Variants in GRAMD1B observed in about 807,000 individuals in gnomAD.
The protein encoded by GRAMD1B is protein Aster-B.
In GRAMD1B, 37 loss-of-function variants were observed where a neutral mutation model predicts 99.7. The ratio of observed to expected loss-of-function variants is 0.37; its 90% CI spans 0.29 to 0.49. The LOEUF is 0.49. Ranked by LOEUF, GRAMD1B falls within the 20% of genes least tolerant of loss-of-function variation. The pLI is 0.98. For synonymous variants in GRAMD1B, 427 were observed against 387.6 expected (o/e 1.10, Z -1.19); for missense variants, 888 against 1,009.2 (o/e 0.88, Z 1.63).
At chr11:123,584,276 A>G (rs1949801907) in intron 3 of GRAMD1B, 36 bp from the exon 4 acceptor site, 2 of 912,840 alleles carry the variant, frequency 2.2e-6, no homozygotes, top group East Asian at 1.4e-4. Flanking sequence ...TTCTTCCCTG[A>G]CTAATTCTAC....
At position 123,407,173 on chromosome 11, in the gene GRAMD1B, A is replaced by G. The variant is rs1307251803; in HGVS notation, c.-176+48374A>G. On this transcript the variant is annotated intron_variant, in intron 1 of 20. Transcript: ENST00000638157. ...AGCAATACAAAATTTGAAGGCTTCTACAGGTCTATAACACTCAGAAAGGTG... is the reference window on the plus strand; with the variant it reads ...AGCAATACAAAATTTGAAGGCTTCTGCAGGTCTATAACACTCAGAAAGGTG... Among the ~76,000 whole-genome samples the G allele has an allele frequency of 2.0e-5, 3 of 152,264 alleles. No homozygotes were observed. The East Asian group carries it at 5.8e-4, about 29-fold the overall frequency.
rs376767708 is a variant in GRAMD1B, at chr11:123,583,876, T to C, written c.664-436T>C. Among the ~76,000 whole-genome samples the C allele has an allele frequency of 2.4e-4, 37 of 152,280 alleles. No homozygotes were observed. In the East Asian group the frequency reaches 4.3e-3, roughly 18 times the overall value. ...AGGGAGTTTTAGGTAGTCCCCTTTC[T>C]ACCTCGAAAGTGTCCCACCCTGCCT... On this transcript the variant is annotated intron_variant, in intron 3 of 19. Transcript: ENST00000635736.
Position 123,430,501 on chromosome 11 carries a change from C to T in GRAMD1B, c.-292C>T. On this transcript the variant is annotated 5_prime_UTR_variant, in exon 1 of 20. Transcript: ENST00000635736. ...AAACAAGCGGGCGCGCGAGGGGAGC[C>T]CCAGGAGGGCTGCCGAGTGGCTGGC... 2.4e-6 allele frequency: 1 copy of T among 419,332 alleles called. No individual in the cohort carries two copies. The highest frequency in any genetic ancestry group is 4.2e-6 in the Non-Finnish European group (1 of 236,852). 26.0% of individuals were successfully genotyped at this position (419,332 alleles called of 1,614,324 possible).
intron 1 of GRAMD1B, among the ~76,000 whole-genome samples, chr11:123,390,041 G>A (rs929992573): frequency 6.6e-5 from 10 of 151,668 alleles, no homozygotes; most frequent in African/African-American, 2.2e-4. Context: ...ACAGGTGTGA[G>A]CCACTGCACC....
In GRAMD1B at chr11:123,430,442, A is replaced by G; in HGVS notation, c.-351A>G. 3.6e-6 allele frequency: 1 copy of G among 277,904 alleles called. No homozygotes were observed. The highest frequency in any genetic ancestry group is 6.7e-6 in the Non-Finnish European group (1 of 149,172). The allele number at this position is 277,904 out of a possible 1,614,324, so 17.2% of individuals were successfully genotyped here. A position where few individuals can be genotyped will look rare whatever the true frequency, so the allele number is the denominator to read the frequency against. On this transcript the variant is annotated 5_prime_UTR_variant, in exon 1 of 20. Coordinates refer to ENST00000635736, the MANE Select transcript of GRAMD1B (RefSeq NM_001387025.1). ...TGGCTGCCGAGTCCCGCTAAGGCAA[A>G]GACGCCAGCAAGCGAGGAAGCGCAG...
chr11:123,529,071 G>A (rs1034008489), intron 2 of GRAMD1B, among the ~76,000 whole-genome samples: 2 of 152,062 alleles, frequency 1.3e-5, no homozygotes, highest in African/African-American at 2.4e-5. Context: ...TTGCAGCCCC[G>A]TTGTCTAGGC....
At chr11:123,608,863 C>A (rs1218669147) in intron 12 of GRAMD1B, 61 bp downstream of exon 12, 6 of 1,123,376 alleles carry the variant, frequency 5.3e-6, no homozygotes, top group Non-Finnish European at 7.7e-6. Context: ...TCTTCCCTCT[C>A]TACATTTGCT....
At chr11:123,364,507 A>G (rs1946254082) in intron 1 of GRAMD1B, among the ~76,000 whole-genome samples, 1 of 152,194 alleles carries the variant, frequency 6.6e-6, no homozygotes, top group South Asian at 2.1e-4. Flanking sequence ...ATCCGTGTGC[A>G]TTTTCTCTCA....
At position 123,467,841 on chromosome 11, in the gene GRAMD1B, C is replaced by CCCTTCCTTCCTT. The variant is rs555769504; in HGVS notation, c.375-12966_375-12955dup. Among the ~76,000 whole-genome samples, 34 of 109,372 alleles carry CCCTTCCTTCCTT rather than the reference C, an allele frequency of 3.1e-4. No homozygotes were observed. In the South Asian group the frequency reaches 8.8e-3, roughly 28 times the overall value. 71.8% of individuals were successfully genotyped at this position (109,372 alleles called of 152,430 possible). On this transcript the variant is annotated intron_variant, in intron 1 of 19. Coordinates refer to ENST00000635736, the MANE Select transcript of GRAMD1B (RefSeq NM_001387025.1). ...CTTTTCCCTCCCTCCCTCCCTCCCT[C>CCCTTCCTTCCTT]CCTTCCTTCCTTCCTTCCTTTCTTT...
chr11:123,540,690 C>T (rs1944426164), intron 2 of GRAMD1B, among the ~76,000 whole-genome samples: 1 of 151,786 alleles, frequency 6.6e-6, no homozygotes, highest in South Asian at 2.1e-4. Flanking sequence ...GGTCATAATA[C>T]CACCCCATAT....
intron 2 of GRAMD1B, chr11:123,560,554 C>A (rs903167819): frequency 7.2e-6 from 7 of 971,710 alleles, no homozygotes; most frequent in East Asian, 6.0e-5. Context: ...CTCCTCAGGG[C>A]CCCCGCTCCC....
intron 1 of GRAMD1B, among the ~76,000 whole-genome samples, chr11:123,414,406 TG>T (rs1336023936): frequency 6.6e-6 from 1 of 152,216 alleles, no homozygotes. Context: ...GAGCACTTAT[TG>T]TGTGCCAGGG....
chr11:123,491,857 A>G (rs1230021720), intron 2 of GRAMD1B: 2 of 399,134 alleles, frequency 5.0e-6, no homozygotes, highest in East Asian at 3.6e-5. Flanking sequence ...AGCATGGTGC[A>G]GAATCTACAG....
upstream of GRAMD1B, among the ~76,000 whole-genome samples, chr11:123,427,635 G>A (rs1948701231): frequency 6.6e-6 from 1 of 152,204 alleles, no homozygotes; most frequent in Non-Finnish European, 1.5e-5. Flanking sequence ...GGAAAGGGCT[G>A]AAGGATGTGT....
intron 2 of GRAMD1B, among the ~76,000 whole-genome samples, chr11:123,491,481 C>G (rs1389064362): frequency 6.6e-6 from 1 of 152,066 alleles, no homozygotes; most frequent in African/African-American, 2.4e-5. Context: ...TCCCCCAGCA[C>G]CAGCAGCTGA....
chr11:123,571,438 C>T (rs1948077252), intron 2 of GRAMD1B, among the ~76,000 whole-genome samples: 1 of 152,176 alleles, frequency 6.6e-6, no homozygotes, highest in Non-Finnish European at 1.5e-5. Context: ...CTTCCCTTTT[C>T]TCAAGGACAT....
intron 1 of GRAMD1B, among the ~76,000 whole-genome samples, chr11:123,469,772 TTTCTTTCC>T (rs1469842164): frequency 1.9e-4 from 21 of 108,384 alleles, no homozygotes; most frequent in South Asian, 7.0e-4. Context: ...TTTCTTTCTC[TTTCTTTCC>T]TTCCTTCCTT....
intron 1 of GRAMD1B, among the ~76,000 whole-genome samples, chr11:123,363,967 G>A (rs1161263986): frequency 6.6e-6 from 1 of 152,154 alleles, no homozygotes; most frequent in East Asian, 1.9e-4. Flanking sequence ...AACCAACAAT[G>A]CATGTTAAGG....
At chr11:123,616,226 G>C (rs985021794) in intron 17 of GRAMD1B, among the ~76,000 whole-genome samples, 3 of 152,220 alleles carry the variant, frequency 2.0e-5, no homozygotes, top group African/African-American at 7.2e-5. Flanking sequence ...GGAGGCTGAG[G>C]CAGGAGAATG....
Sources: gnomAD v4.1 joint callset for allele counts (sites outside exome capture counted in the v4.1 genomes callset) on GRCh38, gnomAD v4.1.1 for gene constraint, MANE v1.5 for transcripts, NCBI Gene and HGNC (gene_info 2026-07-23, HGNC 2026-07-21) for gene names.